Variants in BCL2L1 observed in about 807,000 individuals in gnomAD.
BCL2L1 encodes the protein bcl-2-like protein 1.
BCL2L1 carries 1 observed loss-of-function variant against 18.7 expected under a neutral mutation model. The ratio of observed to expected loss-of-function variants is 0.05; its 90% confidence interval spans 0.02 to 0.25. The LOEUF (loss-of-function observed/expected upper bound fraction) is 0.25. Among genes scored for constraint, BCL2L1 ranks in the 10% least tolerant of loss-of-function variants. The pLI is 1.00. For missense variants in BCL2L1, 207 were observed against 304.9 expected (o/e 0.68, Z 2.39); for synonymous variants, 103 against 122.7 (o/e 0.84, Z 1.06).
Position 31,713,362 on chromosome 20 carries a change from G to A in BCL2L1, c.564+8293C>T, listed in dbSNP as rs2061481375. ...GAGCAAAGAAAGTAATGGACAAGAG[G>A]AAAGGCAGGGACACGTCCAAAAAAA... On this transcript the variant is annotated intron_variant, in intron 2 of 2. Transcript: ENST00000307677. 1.8e-5 allele frequency: 18 copies of A among 985,268 alleles called. No individual in the cohort carries two copies. The South Asian group carries it at 8.0e-4, about 44-fold the overall frequency. The allele number at this position is 985,268 out of a possible 1,614,324, so 61.0% of individuals were successfully genotyped here.
intron 2 of BCL2L1, among the ~76,000 whole-genome samples, chr20:31,697,968 A>G (rs1410362447): frequency 1.4e-5 from 2 of 147,204 alleles, no homozygotes; most frequent in Non-Finnish European, 3.0e-5. Flanking sequence ...GCTCACTGCA[A>G]TCTCCACCTC....
chr20:31,692,710 A>G (rs1208639425), intron 2 of BCL2L1, among the ~76,000 whole-genome samples: 1 of 152,072 alleles, frequency 6.6e-6, no homozygotes, highest in African/African-American at 2.4e-5. Flanking sequence ...GGAGTTCAAG[A>G]CCAGCCTGGC....
intron 2 of BCL2L1, among the ~76,000 whole-genome samples, chr20:31,697,892 G>GTTTTTTTTTTTTTTTGTTTGTTTGTTT (rs199575410): frequency 1.2e-4 from 15 of 129,650 alleles, no homozygotes; most frequent in African/African-American, 4.3e-4. Context: ...TGCTGTTGCT[G>GTTTTTTTTTTTTTTTGTTTGTTTGTTT]TTTTTTTTTT....
intron 2 of BCL2L1, among the ~76,000 whole-genome samples, chr20:31,685,177 T>C (rs2060933531): frequency 6.6e-6 from 1 of 151,606 alleles, no homozygotes; most frequent in South Asian, 2.1e-4. Context: ...CCGAGGTGGG[T>C]GGATCACGAA....
intron 2 of BCL2L1, among the ~76,000 whole-genome samples, chr20:31,707,596 T>G (rs1269734556): frequency 6.6e-6 from 1 of 151,896 alleles, no homozygotes; most frequent in African/African-American, 2.4e-5. Flanking sequence ...CTGATCAACA[T>G]GGAGAAACCC....
chr20:31,723,603 G>C, upstream of BCL2L1: 5 of 985,462 alleles, frequency 5.1e-6, no homozygotes, highest in Non-Finnish European at 6.0e-6. Context: ...ACCTTCCTGA[G>C]AGGAGGGGCC....
Position 31,685,570 on chromosome 20 carries a change from G to A in BCL2L1, c.565-19484C>T, listed in dbSNP as rs189985000. Reference sequence around the variant, plus strand: ...TTCCACATGGTCAGGTTCAAGAAACGTGAGCTTACTCCTGCTTTGTGGTGG... The same window carrying A: ...TTCCACATGGTCAGGTTCAAGAAACATGAGCTTACTCCTGCTTTGTGGTGG... On this transcript the variant is annotated intron_variant, in intron 2 of 2. Coordinates refer to ENST00000307677, the MANE Select transcript of BCL2L1 (RefSeq NM_138578.3). 3.8e-3 allele frequency among the ~76,000 whole-genome samples: 571 copies of A among 152,260 alleles called. 12 individuals are homozygous for A. The highest frequency in any genetic ancestry group is 0.021 in the Admixed American group (327 of 15,284).
chr20:31,666,058 T>C lies in BCL2L1; in HGVS notation c.593A>G (p.Asn198Ser). The C allele has an allele frequency of 1.9e-6, 3 of 1,614,088 alleles. No individual in the cohort carries two copies. The highest frequency in any genetic ancestry group is 1.7e-6 in the Non-Finnish European group (2 of 1,180,004). The change falls in exon 3 of 3, where the codon AAT (asparagine) becomes AGT (serine). Residue 198 changes from asparagine (N) to serine (S), a missense_variant. By Grantham distance (46) the Asn-to-Ser change is conservative. Transcript: ENST00000307677. Reference sequence around the variant, plus strand: ...GCCCTTTCGGCTCTCGGCTGCTGCATTGTTCCCATAGAGTTCCACAAAAGT... The same window carrying C: ...GCCCTTTCGGCTCTCGGCTGCTGCACTGTTCCCATAGAGTTCCACAAAAGT... ...WDTFVELYGN[N>S]AAAESRKGQE...
intron 2 of BCL2L1, among the ~76,000 whole-genome samples, chr20:31,682,504 C>T (rs1029408569): frequency 3.9e-5 from 6 of 152,174 alleles, no homozygotes; most frequent in African/African-American, 1.4e-4. Flanking sequence ...AGAGTGCAAT[C>T]GTGTGATCAA....
chr20:31,685,399 C>CAA (rs113218713), intron 2 of BCL2L1, among the ~76,000 whole-genome samples: 40,720 of 132,582 alleles, frequency 0.31, 7,254 homozygotes, highest in African/African-American at 0.52. Context: ...GACTCCATCT[C>CAA]AAAAAAAAAA....
At chr20:31,666,808 G>A (rs996400345) in intron 2 of BCL2L1, among the ~76,000 whole-genome samples, 2 of 152,124 alleles carry the variant, frequency 1.3e-5, no homozygotes, top group Admixed American at 1.3e-4. Context: ...CACTGCAGGG[G>A]GTGTGACTCT....
At chr20:31,710,836 C>G (rs2061443281) in intron 2 of BCL2L1, among the ~76,000 whole-genome samples, 1 of 152,174 alleles carries the variant, frequency 6.6e-6, no homozygotes, top group African/African-American at 2.4e-5. Flanking sequence ...TTTTTTGTAG[C>G]CTAACCTGTA....
intron 2 of BCL2L1, chr20:31,720,851 G>A (rs762244764): frequency 6.1e-5 from 60 of 985,310 alleles, no homozygotes; most frequent in Non-Finnish European, 7.1e-5. Flanking sequence ...AGCAAACAGT[G>A]CTTGAAGAGG....
rs1169366096 is a variant in BCL2L1 at position 31,684,623 on chromosome 20, G to A, written c.565-18537C>T. Reference sequence around the variant, plus strand: ...CACCAGACATCAGACATTAAGGAGGGAAGAGCCAGATCTACCCTTCTCATC... The same window carrying A: ...CACCAGACATCAGACATTAAGGAGGAAAGAGCCAGATCTACCCTTCTCATC... On this transcript the variant is annotated intron_variant, in intron 2 of 2. Transcript: ENST00000307677. 2.0e-5 allele frequency among the ~76,000 whole-genome samples: 3 copies of A among 152,152 alleles called. No homozygotes were observed. The East Asian group carries it at 5.8e-4, about 29-fold the overall frequency.
chr20:31,680,619 G>A (rs1239765655), intron 2 of BCL2L1, among the ~76,000 whole-genome samples: 3 of 152,202 alleles, frequency 2.0e-5, no homozygotes, highest in African/African-American at 7.2e-5. Context: ...CTGACCTATG[G>A]AGTTGTAGGA....
upstream of BCL2L1, chr20:31,723,470 C>T: frequency 1.0e-6 from 1 of 985,286 alleles, no homozygotes; most frequent in South Asian, 4.7e-5. Flanking sequence ...GGGGGCTGCA[C>T]CTCTCCGGAG....
At chr20:31,681,735 T>A (rs1003187273) in intron 2 of BCL2L1, among the ~76,000 whole-genome samples, 1 of 152,248 alleles carries the variant, frequency 6.6e-6, no homozygotes, top group Non-Finnish European at 1.5e-5. Flanking sequence ...TGGCCCTCTG[T>A]TTCCCATCTA....
In BCL2L1 at chr20:31,722,264, T is replaced by C; in HGVS notation, c.-46A>G. On this transcript the variant is annotated 5_prime_UTR_variant, in exon 2 of 3. Transcript: ENST00000307677. Reference sequence around the variant, plus strand: ...CAACCAGTCCATTGTCCAAAACACCTGCTCACTCACTGAGTCTCGTCTCTG... The same window carrying C: ...CAACCAGTCCATTGTCCAAAACACCCGCTCACTCACTGAGTCTCGTCTCTG... 7.4e-7 allele frequency: 1 copy of C among 1,351,302 alleles called. No individual in the cohort carries two copies. The allele number at this position is 1,351,302 out of a possible 1,614,324, so 83.7% of individuals were successfully genotyped here. A position where few individuals can be genotyped will look rare whatever the true frequency, so the allele number is the denominator to read the frequency against.
intron 2 of BCL2L1, chr20:31,720,133 C>A: frequency 9.1e-6 from 9 of 985,418 alleles, no homozygotes; most frequent in Non-Finnish European, 1.1e-5. Flanking sequence ...CTGACCCCAC[C>A]CCAGTTATCT....
Sources: allele counts gnomAD v4.1 joint callset (sites outside exome capture counted in the v4.1 genomes callset), GRCh38; gene constraint gnomAD v4.1.1; transcripts MANE v1.5; gene names NCBI Gene and HGNC (gene_info 2026-07-23, HGNC 2026-07-21).